The following CSF2RA variants were observed in gnomAD, a reference collection of about 807,000 sequenced individuals.
CSF2RA encodes colony stimulating factor 2 receptor subunit alpha.
CSF2RA carries 42 observed loss-of-function variants against 51.6 expected under a neutral mutation model. The observed-to-expected ratio is 0.81, with a 90% CI of 0.64 to 1.05. The LOEUF (loss-of-function observed/expected upper bound fraction) is 1.05, where lower values mean the gene tolerates loss of function less well. Among genes scored for constraint, CSF2RA ranks in the 50% least tolerant of loss-of-function variants. The pLI, the probability that CSF2RA is intolerant of heterozygous loss-of-function variation, is 0.00. For synonymous variants in CSF2RA, 222 were observed against 193.0 expected (o/e 1.15, Z -1.24); for missense variants, 530 against 501.1 (o/e 1.06, Z -0.55).
intron 11 of CSF2RA, among the ~76,000 whole-genome samples, chrX:1,304,975 A>G (rs2083410881): frequency 6.9e-6 from 1 of 144,724 alleles, no homozygotes; most frequent in Non-Finnish European, 1.5e-5. Context: ...TAGTTCCTTA[A>G]GATGTTTGTC....
chrX:1,288,736 AT>A (rs2091050325), intron 5 of CSF2RA, 22 bp from the exon 6 acceptor site: 1 of 1,613,784 alleles, frequency 6.2e-7, no homozygotes, highest in Admixed American at 1.7e-5. Context: ...AGTGAAAATT[AT>A]TTTGTTTCTA....
intron 2 of CSF2RA, among the ~76,000 whole-genome samples, chrX:1,281,219 ACTCCTCCTTCTCCTACTC>A (rs1479686608): frequency 2.3e-4 from 8 of 34,696 alleles, no homozygotes; most frequent in Non-Finnish European, 2.8e-4. Context: ...TCCTTCTCCT[ACTCCTCCTTCTCCTACTC>A]CTCCTTCTCC....
intron 9 of CSF2RA, among the ~76,000 whole-genome samples, chrX:1,300,091 C>T (rs754385705): frequency 2.0e-5 from 3 of 151,952 alleles, no homozygotes; most frequent in East Asian, 3.9e-4. Flanking sequence ...TGGTGGTGGG[C>T]ACCTGTAGTC....
the CSF2RA span, among the ~76,000 whole-genome samples, chrX:1,321,411 G>C: frequency 6.6e-6 from 1 of 151,980 alleles, no homozygotes; most frequent in African/African-American, 2.4e-5. Flanking sequence ...GGAGCTTGCA[G>C]TGAGCCGAGA....
chrX:1,282,338 A>G (rs2090159451), intron 2 of CSF2RA: 1 of 336,278 alleles, frequency 3.0e-6, no homozygotes. Context: ...AAAATGAATG[A>G]AAGTGACTGC....
chrX:1,283,159 C>T (rs1226688631), intron 3 of CSF2RA, among the ~76,000 whole-genome samples: 10 of 34,268 alleles, frequency 2.9e-4, no homozygotes, highest in African/African-American at 8.0e-4. Flanking sequence ...TCCTTCGTTC[C>T]TTCCTTCGTT....
Position 1,309,852 on chromosome X carries a change from C to A in CSF2RA, c.*373C>A. ...GTAGTGAGCCAAGATCGCACCATTG[C>A]ACACCAACCTGCGTGACAGAGCAAG... On this transcript the variant is annotated 3_prime_UTR_variant, in exon 13 of 13. Coordinates refer to ENST00000381529, the MANE Select transcript of CSF2RA (RefSeq NM_172245.4). 1.7e-6 allele frequency: 1 copy of A among 597,790 alleles called. No homozygotes were observed. The highest frequency in any genetic ancestry group is 3.0e-6 in the Non-Finnish European group (1 of 336,570). 37.0% of individuals were successfully genotyped at this position (597,790 alleles called of 1,614,324 possible). A position where few individuals can be genotyped will look rare whatever the true frequency, so the allele number is the denominator to read the frequency against.
At chrX:1,316,132 C>T in the CSF2RA span, among the ~76,000 whole-genome samples, 2 of 149,174 alleles carry the variant, frequency 1.3e-5, no homozygotes, top group Non-Finnish European at 3.0e-5. Context: ...TAGACAGATA[C>T]ATAGATAGAT....
At chrX:1,318,896 T>A in the CSF2RA span, among the ~76,000 whole-genome samples, 3 of 140,968 alleles carry the variant, frequency 2.1e-5, 1 homozygote, top group African/African-American at 7.9e-5. Context: ...CAGCCTGGGT[T>A]ACAGAGCAAG....
chrX:1,316,262 A>ATAGG, the CSF2RA span, among the ~76,000 whole-genome samples: 342 of 31,404 alleles, frequency 0.011, 1 homozygote, highest in Admixed American at 0.025. Flanking sequence ...TAGATAGATG[A>ATAGG]TAGATAGATA....
intron 2 of CSF2RA, among the ~76,000 whole-genome samples, chrX:1,280,800 C>T (rs1489219080): frequency 5.4e-5 from 8 of 147,724 alleles, no homozygotes; most frequent in Non-Finnish European, 1.0e-4. Flanking sequence ...TGACATGGAT[C>T]CACCATTTGT....
intron 8 of CSF2RA, among the ~76,000 whole-genome samples, chrX:1,294,812 TGGAC>T (rs2091758315): frequency 9.9e-5 from 15 of 151,816 alleles, no homozygotes; most frequent in Middle Eastern, 3.4e-3. Flanking sequence ...CATGTCTACC[TGGAC>T]CCAGTGTAGA....
chrX:1,287,598 C>G (rs2090890305), intron 4 of CSF2RA, among the ~76,000 whole-genome samples: 1 of 148,112 alleles, frequency 6.8e-6, no homozygotes, highest in Non-Finnish European at 1.5e-5. Flanking sequence ...TGCCCACCAC[C>G]ACACCTGGCT....
chrX:1,281,498 CCTA>C (rs2090066028), intron 2 of CSF2RA, among the ~76,000 whole-genome samples: 2 of 149,444 alleles, frequency 1.3e-5, no homozygotes, highest in Non-Finnish European at 3.0e-5. Context: ...TCCTCTTCCT[CCTA>C]CTCCTCCTTC....
chrX:1,285,012 G>A (rs2090474777), intron 3 of CSF2RA, among the ~76,000 whole-genome samples: 3 of 151,798 alleles, frequency 2.0e-5, no homozygotes, highest in Admixed American at 1.3e-4. Flanking sequence ...TGGAGAAGGA[G>A]CAAGCTGGGA....
At chrX:1,281,866 T>C (rs1167723449) in intron 2 of CSF2RA, 2 of 149,414 alleles carry the variant, frequency 1.3e-5, no homozygotes, top group Admixed American at 1.3e-4. Flanking sequence ...ACTTTCCTTT[T>C]ATAGCTGTTG....
chrX:1,312,583 C>T (rs184361771), downstream of CSF2RA, among the ~76,000 whole-genome samples: 509 of 152,142 alleles, frequency 3.3e-3, 10 homozygotes, highest in Admixed American at 0.029. Flanking sequence ...GCCATATTTA[C>T]GGGACATTAT....
Position 1,309,449 on chromosome X carries a change from A to G in CSF2RA, c.1173A>G (p.Glu391=). Reference sequence around the variant, plus strand: ...CAGAGGAAGGGAAAGGCTACCGCGAAGAGGTCTTGACCGTGAAGGAAATTA... The same window carrying G: ...CAGAGGAAGGGAAAGGCTACCGCGAGGAGGTCTTGACCGTGAAGGAAATTA... ...FTPEEGKGYR[E]EVLTVKEIT The change falls in exon 13 of 13, where the codon GAA becomes GAG. Residue 391 remains glutamate (E), a synonymous_variant. Transcript: ENST00000381529. The G allele has an allele frequency of 6.2e-7, 1 of 1,614,024 alleles. No individual in the cohort carries two copies. The highest frequency in any genetic ancestry group is 8.5e-7 in the Non-Finnish European group (1 of 1,179,874).
intron 12 of CSF2RA, among the ~76,000 whole-genome samples, chrX:1,307,741 GT>G (rs2083786137): frequency 5.6e-5 from 1 of 17,860 alleles, no homozygotes; most frequent in Admixed American, 6.3e-4. Context: ...GATGAGGCCC[GT>G]CCTTCCCCCA....
Sources: allele counts gnomAD v4.1 joint callset (sites outside exome capture counted in the v4.1 genomes callset), GRCh38; gene constraint gnomAD v4.1.1; transcripts MANE v1.5; gene names NCBI Gene and HGNC (gene_info 2026-07-23, HGNC 2026-07-21).